CNTNAP5: variants seen among roughly 807,000 people sequenced by gnomAD.
CNTNAP5 encodes the protein contactin associated protein family member 5, also known as contactin-associated protein-like 5.
Under a neutral mutation model 150.2 loss-of-function variants are expected in CNTNAP5, and 72 were observed. That is an observed-to-expected ratio of 0.48 (90% CI 0.40 to 0.58). The LOEUF is 0.58. Among genes scored for constraint, CNTNAP5 ranks in the 20% least tolerant of loss-of-function variants. The pLI is 0.00. For missense variants in CNTNAP5, 1,636 were observed against 1,626.2 expected, an observed-to-expected ratio of 1.01 and a Z score of -0.10; for synonymous variants, 672 against 619.8, an observed-to-expected ratio of 1.08 and a Z score of -1.25.
intron 22 of CNTNAP5, among the ~76,000 whole-genome samples, chr2:124,909,855 ATATG>A (rs1442066468): frequency 4.2e-5 from 6 of 141,332 alleles, no homozygotes; most frequent in Non-Finnish European, 6.2e-5. Context: ...ATATATATAT[ATATG>A]TTCTTCTCCA....
At chr2:124,817,508 C>A (rs893841746) in intron 19 of CNTNAP5, among the ~76,000 whole-genome samples, 7 of 151,980 alleles carry the variant, frequency 4.6e-5, no homozygotes, top group Non-Finnish European at 8.8e-5. Context: ...CTAATCTATA[C>A]CATGAGGTTG....
chr2:124,786,337 A>C (rs974346420), intron 17 of CNTNAP5, among the ~76,000 whole-genome samples: 6 of 119,218 alleles, frequency 5.0e-5, no homozygotes, highest in South Asian at 2.9e-4. Flanking sequence ...AAGAAAGAGA[A>C]AGAAAGAAAG....
At chr2:124,838,468 G>A (rs1190530992) in intron 19 of CNTNAP5, among the ~76,000 whole-genome samples, 1 of 152,174 alleles carries the variant, frequency 6.6e-6, no homozygotes, top group Non-Finnish European at 1.5e-5. Context: ...TTCTATCTTT[G>A]AAAGGGGTGT....
At chr2:124,333,588 C>A (rs1689401649) in intron 3 of CNTNAP5, among the ~76,000 whole-genome samples, 1 of 151,978 alleles carries the variant, frequency 6.6e-6, no homozygotes, top group South Asian at 2.1e-4. Context: ...CAAATGAGAG[C>A]CTATAAGAAA....
chr2:124,602,774 TGAA>T, intron 11 of CNTNAP5, among the ~76,000 whole-genome samples: 1 of 152,226 alleles, frequency 6.6e-6, no homozygotes, highest in East Asian at 1.9e-4. Flanking sequence ...ATTACAGGTG[TGAA>T]CCACTGTGCC....
intron 14 of CNTNAP5, among the ~76,000 whole-genome samples, chr2:124,748,764 C>T (rs1680660389): frequency 6.6e-6 from 1 of 152,090 alleles, no homozygotes; most frequent in African/African-American, 2.4e-5. Flanking sequence ...TTCAGAACAC[C>T]CTAGGGCTGC....
chr2:124,676,851 T>C (rs564158648), intron 13 of CNTNAP5, among the ~76,000 whole-genome samples: 81 of 152,336 alleles, frequency 5.3e-4, no homozygotes, highest in Admixed American at 2.0e-3. Flanking sequence ...TTTCCAGACA[T>C]TTGAAAAAGT....
chr2:124,614,576 G>A (rs773312027), intron 12 of CNTNAP5, among the ~76,000 whole-genome samples: 2 of 152,136 alleles, frequency 1.3e-5, no homozygotes, highest in African/African-American at 2.4e-5. Context: ...GACCATGTAT[G>A]ATAACTTCCT....
chr2:124,219,398 G>C (rs1322481334), intron 1 of CNTNAP5, among the ~76,000 whole-genome samples: 2 of 152,016 alleles, frequency 1.3e-5, no homozygotes, highest in Admixed American at 1.3e-4. Context: ...ATATACAATA[G>C]CTATAATACT....
intron 1 of CNTNAP5, among the ~76,000 whole-genome samples, chr2:124,043,417 A>T (rs761969605): frequency 1.3e-5 from 2 of 152,204 alleles, no homozygotes; most frequent in Non-Finnish European, 2.9e-5. Context: ...CTCACTGGAC[A>T]TCTCAAACCA....
chr2:124,508,557 C>T lies in CNTNAP5; in HGVS notation c.1327+4001C>T, dbSNP rs553261841. On this transcript the variant is annotated intron_variant, in intron 8 of 23. Transcript: ENST00000682447. ...CTGTATTGTTAAGCGCACGTCAGTC[C>T]ATTAAAATGCATTTATGACTGAAAG... is the stretch of plus-strand genomic sequence containing the variant. 4.0e-4 allele frequency among the ~76,000 whole-genome samples: 61 copies of T among 152,214 alleles called. No individual in the cohort carries two copies. In the Middle Eastern group the frequency reaches 0.014, roughly 34 times the overall value.
At chr2:124,787,909 T>C (rs2104629882) in intron 17 of CNTNAP5, among the ~76,000 whole-genome samples, 1 of 152,292 alleles carries the variant, frequency 6.6e-6, no homozygotes. Flanking sequence ...TGTAGAATAA[T>C]TTCTAGAATG....
chr2:124,031,392 T>C (rs1681046155), intron 1 of CNTNAP5, among the ~76,000 whole-genome samples: 1 of 152,162 alleles, frequency 6.6e-6, no homozygotes, highest in Admixed American at 6.5e-5. Context: ...CTTGGCTCTA[T>C]TGCTAGAGTA....
intron 1 of CNTNAP5, among the ~76,000 whole-genome samples, chr2:124,069,087 T>C (rs1682235839): frequency 1.3e-5 from 2 of 152,008 alleles, no homozygotes; most frequent in Admixed American, 1.3e-4. Context: ...ACTGGACCTG[T>C]CTTGAGCCAG....
chr2:124,269,404 G>A (rs1687687742), intron 3 of CNTNAP5, among the ~76,000 whole-genome samples: 1 of 152,060 alleles, frequency 6.6e-6, no homozygotes, highest in African/African-American at 2.4e-5. Context: ...GTTGAATTGA[G>A]CCTTAGGAGC....
intron 3 of CNTNAP5, among the ~76,000 whole-genome samples, chr2:124,279,732 G>C (rs192635647): frequency 6.6e-6 from 1 of 152,094 alleles, no homozygotes; most frequent in African/African-American, 2.4e-5. Context: ...GCTGTAAATA[G>C]GGTAGAGAGA....
At chr2:124,543,767 A>G (rs1396170320) in intron 10 of CNTNAP5, among the ~76,000 whole-genome samples, 3 of 152,148 alleles carry the variant, frequency 2.0e-5, no homozygotes, top group Non-Finnish European at 4.4e-5. Flanking sequence ...AGCATCGTCA[A>G]ATGTAGAGAG....
At chr2:124,855,721 T>C (rs1677357796) in intron 19 of CNTNAP5, among the ~76,000 whole-genome samples, 1 of 152,198 alleles carries the variant, frequency 6.6e-6, no homozygotes, top group African/African-American at 2.4e-5. Context: ...TTTCAAAATG[T>C]TTATTTTCAT....
At chr2:124,312,286 A>T (rs545363233) in intron 3 of CNTNAP5, among the ~76,000 whole-genome samples, 2 of 152,316 alleles carry the variant, frequency 1.3e-5, no homozygotes, top group Admixed American at 1.3e-4. Context: ...GTCAAAAGTG[A>T]GTTTTGCAAG....
Sources: allele counts gnomAD v4.1 joint callset (sites outside exome capture counted in the v4.1 genomes callset), GRCh38; gene constraint gnomAD v4.1.1; transcripts MANE v1.5; gene names NCBI Gene and HGNC (gene_info 2026-07-23, HGNC 2026-07-21).